Variants in LRRC49 observed in about 807,000 individuals in gnomAD.
LRRC49 encodes leucine rich repeat containing 49, also known as leucine-rich repeat-containing protein 49.
A neutral mutation model predicts 83.3 loss-of-function variants in LRRC49; 50 were observed. That is an observed-to-expected ratio of 0.60 (90% confidence interval 0.48 to 0.76). The LOEUF is 0.76. Ranked by LOEUF, LRRC49 falls within the 30% of genes least tolerant of loss-of-function variation. The pLI, the probability that LRRC49 is intolerant of heterozygous loss-of-function variation, is 0.00. For missense variants in LRRC49, 704 were observed against 809.1 expected (o/e 0.87, Z 1.58); for synonymous variants, 286 against 283.3 (o/e 1.01, Z -0.10).
upstream of LRRC49, chr15:70,892,272 T>A (rs2033613036): frequency 1.9e-6 from 3 of 1,563,362 alleles, no homozygotes; most frequent in African/African-American, 2.7e-5. Context: ...CGGGCCGGCA[T>A]GGCGGCCGTC....
chr15:70,915,339 A>AC (rs1248631779), intron 6 of LRRC49, among the ~76,000 whole-genome samples: 1 of 152,202 alleles, frequency 6.6e-6, no homozygotes, highest in Non-Finnish European at 1.5e-5. Flanking sequence ...TGTAAGCCCC[A>AC]CCAGGACCAT....
In LRRC49 at chr15:71,051,163, C is replaced by T. The variant is rs2039990045; in HGVS notation, c.*1551C>T. The T allele has an allele frequency of 1.3e-5, 2 of 152,280 alleles. No individual in the cohort carries two copies. The highest frequency in any genetic ancestry group is 2.9e-5 in the Non-Finnish European group (2 of 68,128). The allele number at this position is 152,280 out of a possible 1,614,324, so 9.4% of individuals were successfully genotyped here. A position where few individuals can be genotyped will look rare whatever the true frequency, so the allele number is the denominator to read the frequency against. On this transcript the variant is annotated 3_prime_UTR_variant, in exon 16 of 16. Coordinates refer to ENST00000260382, the MANE Select transcript of LRRC49 (RefSeq NM_017691.5). ...CTGTCCTGGTTTTTTCATCTTGGCA[C>T]TTAGGCCATCAGCTTACTAGTGTGT...
intron 15 of LRRC49, among the ~76,000 whole-genome samples, chr15:71,046,725 T>G (rs989966104): frequency 3.3e-5 from 5 of 152,216 alleles, no homozygotes; most frequent in African/African-American, 7.2e-5. Flanking sequence ...TTGTCTATTT[T>G]TGTTTTTGTT....
At chr15:70,900,836 C>T (rs1370846115) in intron 3 of LRRC49, 86 bp from the exon 4 acceptor site, 3 of 759,934 alleles carry the variant, frequency 3.9e-6, no homozygotes, top group Non-Finnish European at 6.7e-6. Context: ...ATTTATGGTG[C>T]TAAAATTCTC....
intron 13 of LRRC49, 141 bp from the exon 14 acceptor site, chr15:71,012,663 T>G (rs1477553737): frequency 5.7e-6 from 3 of 530,072 alleles, no homozygotes; most frequent in East Asian, 3.1e-5. Flanking sequence ...ATGAAAACTC[T>G]TCTTTCCACA....
chr15:70,994,112 G>A (rs2037995734), intron 11 of LRRC49, among the ~76,000 whole-genome samples: 1 of 152,134 alleles, frequency 6.6e-6, no homozygotes, highest in Non-Finnish European at 1.5e-5. Flanking sequence ...TTCCCAAACT[G>A]CTAGGATTAC....
chr15:70,962,877 G>T (rs1394147821), intron 8 of LRRC49, among the ~76,000 whole-genome samples: 1 of 152,016 alleles, frequency 6.6e-6, no homozygotes, highest in Non-Finnish European at 1.5e-5. Flanking sequence ...AGGATGCAAT[G>T]GTAACTTTAC....
intron 4 of LRRC49, 107 bp from the exon 5 acceptor site, chr15:70,904,445 T>G (rs1447268560): frequency 5.6e-6 from 4 of 717,956 alleles, no homozygotes; most frequent in African/African-American, 3.6e-5. Context: ...TCCAACTTAT[T>G]TTTTTCTCCT....
At chr15:71,020,284 A>G (rs925713908) in intron 14 of LRRC49, among the ~76,000 whole-genome samples, 3 of 152,198 alleles carry the variant, frequency 2.0e-5, no homozygotes, top group African/African-American at 7.2e-5. Context: ...TAGTACAAAA[A>G]GAAAAGAAGA....
At position 70,974,975 on chromosome 15, in the gene LRRC49, G is replaced by A. The variant is rs116294841; in HGVS notation, c.922-5126G>A. 4.9e-3 allele frequency among the ~76,000 whole-genome samples: 748 copies of A among 152,314 alleles called. 11 individuals are homozygous for A. Among genetic ancestry groups the A allele is most frequent in the African/African-American group, 0.017 (727 of 41,572 alleles). ...ATTATACAAGATTAGACTTAGCAGC[G>A]TGTGTTAAAGTGACTTGGAATTGCT... On this transcript the variant is annotated intron_variant, in intron 9 of 15. Transcript: ENST00000260382.
chr15:71,045,769 T>TAAC (rs2039836431), intron 15 of LRRC49, among the ~76,000 whole-genome samples: 1 of 152,194 alleles, frequency 6.6e-6, no homozygotes, highest in Non-Finnish European at 1.5e-5. Flanking sequence ...GAGTATTATG[T>TAAC]GATGCTGGGG....
chr15:70,903,861 A>C (rs1218087068), intron 4 of LRRC49, among the ~76,000 whole-genome samples: 2 of 152,212 alleles, frequency 1.3e-5, no homozygotes, highest in Non-Finnish European at 2.9e-5. Flanking sequence ...ACTGTTTTAA[A>C]TATAGCTCAA....
At position 70,893,620 on chromosome 15, in the gene LRRC49, T is replaced by C. The variant is rs576559877; in HGVS notation, c.85T>C (p.Ser29Pro). ...GCTTCATCTGGTTATTCAAACATCATCGCTTCCTGAAAAAAACAAAGTAAG... is the reference window on the plus strand; with the variant it reads ...GCTTCATCTGGTTATTCAAACATCACCGCTTCCTGAAAAAAACAAAGTAAG... ...CGLHLVIQTS[S>P]LPEKNKVEFK... Residue 29 changes from serine (S) to proline (P), a missense_variant, in exon 2 of 16, where the codon TCG (serine) becomes CCG (proline). By Grantham distance (74) the Ser-to-Pro change is moderately conservative. Around this residue, in one of 3 missense-constraint regions of LRRC49, gnomAD observed 261 missense variants for 330.5 expected, o/e 0.79. Transcript: ENST00000260382. The C allele has an allele frequency of 6.2e-7, 1 of 1,611,066 alleles. No homozygotes were observed. The highest frequency in any genetic ancestry group is 1.1e-5 in the South Asian group (1 of 90,148).
At chr15:70,922,505 G>A (rs181507351) in intron 7 of LRRC49, among the ~76,000 whole-genome samples, 35 of 152,186 alleles carry the variant, frequency 2.3e-4, no homozygotes, top group African/African-American at 7.7e-4. Context: ...TAGAGAGTAG[G>A]AGGATGGTTA....
intron 8 of LRRC49, among the ~76,000 whole-genome samples, chr15:70,944,895 T>C (rs1246153399): frequency 1.3e-5 from 2 of 152,200 alleles, no homozygotes; most frequent in African/African-American, 2.4e-5. Context: ...TGGGTATTCA[T>C]TGAGGTCTCT....
At chr15:70,854,072 C>G (rs1217635633) in intron 1 of LRRC49, 1 of 1,370,652 alleles carries the variant, frequency 7.3e-7, no homozygotes, top group East Asian at 3.1e-5. Context: ...CCGAGCCTCC[C>G]CGCCGGACTG....
intron 9 of LRRC49, among the ~76,000 whole-genome samples, chr15:70,970,847 T>G (rs1596081148): frequency 6.6e-6 from 1 of 152,312 alleles, no homozygotes; most frequent in Middle Eastern, 3.4e-3. Context: ...TTATCATTTT[T>G]TATTGTGTAT....
rs150210051 is a variant in LRRC49, at chr15:71,047,371, T to C, written c.1858-2038T>C. On this transcript the variant is annotated intron_variant, in intron 15 of 15. Coordinates refer to ENST00000260382, the MANE Select transcript of LRRC49 (RefSeq NM_017691.5). ...TCATCTCTGATTTCTTTCAGCAGTA[T>C]TTTGTAGTTCTCCTTGTAGAGGTCT... 4.0e-3 allele frequency among the ~76,000 whole-genome samples: 607 copies of C among 152,262 alleles called. 3 individuals are homozygous for C. The highest frequency in any genetic ancestry group is 7.0e-3 in the Non-Finnish European group (478 of 67,970).
chr15:71,011,382 C>T (rs2038645718), intron 13 of LRRC49, among the ~76,000 whole-genome samples: 1 of 151,318 alleles, frequency 6.6e-6, no homozygotes, highest in Admixed American at 6.6e-5. Context: ...AGAATAATAC[C>T]CATTATTATC....
Sources: gnomAD v4.1 joint callset for allele counts (sites outside exome capture counted in the v4.1 genomes callset) on GRCh38, gnomAD v4.1.1 for gene constraint, gnomAD v4.1.1 regional missense constraint, MANE v1.5 for transcripts, NCBI Gene and HGNC (gene_info 2026-07-23, HGNC 2026-07-21) for gene names.